Variants in RPAP2 observed in about 807,000 individuals in gnomAD.
The protein encoded by RPAP2 is putative RNA polymerase II subunit B1 CTD phosphatase RPAP2.
RPAP2 carries 52 observed loss-of-function variants against 73.1 expected under a neutral mutation model. The ratio of observed to expected loss-of-function variants is 0.71; its 90% confidence interval spans 0.57 to 0.90. The LOEUF (loss-of-function observed/expected upper bound fraction) is 0.90. Among genes scored for constraint, RPAP2 ranks in the 40% least tolerant of loss-of-function variants. RPAP2 has a pLI of 0.00. For synonymous variants in RPAP2, 225 were observed against 242.1 expected, an observed-to-expected ratio of 0.93 and a Z score of 0.65; for missense variants, 598 against 701.8, an observed-to-expected ratio of 0.85 and a Z score of 1.67.
chr1:92,299,093 C>T lies in RPAP2; in HGVS notation c.20C>T (p.Pro7Leu), dbSNP rs371177251. The T allele has an allele frequency of 1.2e-4, 175 of 1,518,560 alleles. No homozygotes were observed. The highest frequency in any genetic ancestry group is 1.0e-3 in the South Asian group (84 of 80,086). The allele number at this position is 1,518,560 out of a possible 1,614,324, so 94.1% of individuals were successfully genotyped here. A position where few individuals can be genotyped will look rare whatever the true frequency, so the allele number is the denominator to read the frequency against. Reference sequence around the variant, plus strand: ...TCCCCCATGGCGGACTTCGCTGGGCCGTCTTCTGCCGGCCGCAAGGCCGGG... The same window carrying T: ...TCCCCCATGGCGGACTTCGCTGGGCTGTCTTCTGCCGGCCGCAAGGCCGGG... MADFAG[P>L]SSAGRKAGAP... is the part of the protein sequence containing the mutation. Residue 7 changes from proline to leucine, a missense_variant, in exon 1 of 13, where the codon CCG (proline) becomes CTG (leucine). By Grantham distance (98) the Pro-to-Leu change is moderately conservative. Transcript: ENST00000610020.
At position 92,398,075 on chromosome 1, in the gene RPAP2, A is replaced by C. The variant is rs935824945; in HGVS notation, c.*11064A>C. ...AGGAGGGTGAAGATCACCTGAGACCAGGCGGTCAAGGCTTCAGTGAGCCAT... is the reference window on the plus strand; with the variant it reads ...AGGAGGGTGAAGATCACCTGAGACCCGGCGGTCAAGGCTTCAGTGAGCCAT... On this transcript the variant is annotated 3_prime_UTR_variant, in exon 13 of 13. Coordinates refer to ENST00000610020, the MANE Select transcript of RPAP2 (RefSeq NM_024813.3). 2.6e-5 allele frequency: 4 copies of C among 152,210 alleles called. No homozygotes were observed. Among genetic ancestry groups the C allele is most frequent in the Non-Finnish European group, 5.9e-5 (4 of 68,062 alleles). 9.4% of individuals were successfully genotyped at this position (152,210 alleles called of 1,614,324 possible). A position where few individuals can be genotyped will look rare whatever the true frequency, so the allele number is the denominator to read the frequency against.
At chr1:92,306,041 T>G (rs1187713004) in intron 5 of RPAP2, among the ~76,000 whole-genome samples, 1 of 152,138 alleles carries the variant, frequency 6.6e-6, no homozygotes, top group Non-Finnish European at 1.5e-5. Flanking sequence ...AATATTAGCC[T>G]TTAAAAAAAG....
At chr1:92,363,748 G>T in intron 11 of RPAP2, 1 of 360,792 alleles carries the variant, frequency 2.8e-6, no homozygotes, top group South Asian at 2.3e-5. Context: ...CCTTTATGAT[G>T]ATCTACTTCC....
chr1:92,359,591 A>ATT (rs1167257681), intron 11 of RPAP2, among the ~76,000 whole-genome samples: 1 of 152,218 alleles, frequency 6.6e-6, no homozygotes, highest in Non-Finnish European at 1.5e-5. Context: ...AAGTGCTGGG[A>ATT]TTATAGGCAT....
intron 10 of RPAP2, among the ~76,000 whole-genome samples, chr1:92,337,829 T>C (rs1261355498): frequency 6.6e-6 from 1 of 152,142 alleles, no homozygotes; most frequent in African/African-American, 2.4e-5. Context: ...TAAATACAGG[T>C]CTTCAAGGTT....
Position 92,323,450 on chromosome 1 carries a change from A to G in RPAP2, c.530A>G (p.His177Arg). The G allele has an allele frequency of 1.3e-6, 2 of 1,578,354 alleles. No homozygotes were observed. The highest frequency in any genetic ancestry group is 1.2e-5 in the South Asian group (1 of 85,792). The change falls in exon 8 of 13, where the codon CAT (histidine) becomes CGT (arginine). Residue 177 changes from histidine to arginine, a missense_variant. Physicochemically the swap from His to Arg is conservative, Grantham distance 29. This residue lies in a region of RPAP2 where 506 missense variants were observed against 612.8 expected (regional missense o/e 0.83). Coordinates refer to ENST00000610020, the MANE Select transcript of RPAP2 (RefSeq NM_024813.3). The part of the protein sequence containing the change: ...FQLLKEEQSG[H>R]SGEEVQLCSK... The stretch of plus-strand genomic sequence containing the variant: ...ATTTCTCTTTCATTCTACAGTGGCC[A>G]TTCTGGAGAAGAAGTACAGTTATGC...
chr1:92,316,663 A>T (rs527452648), intron 6 of RPAP2, among the ~76,000 whole-genome samples: 1 of 152,226 alleles, frequency 6.6e-6, no homozygotes, highest in East Asian at 1.9e-4. Flanking sequence ...AGCTTTCACA[A>T]CTATCTTCAG....
At chr1:92,360,345 G>A (rs531387946) in intron 11 of RPAP2, among the ~76,000 whole-genome samples, 17 of 152,330 alleles carry the variant, frequency 1.1e-4, no homozygotes, top group African/African-American at 3.6e-4. Context: ...TAGGAGTGGA[G>A]ACCAGATTGC....
chr1:92,343,325 T>C (rs1177271102), intron 10 of RPAP2, among the ~76,000 whole-genome samples: 1 of 152,224 alleles, frequency 6.6e-6, no homozygotes, highest in East Asian at 1.9e-4. Flanking sequence ...ACAAGAACCC[T>C]GTGAGGTGGG....
intron 8 of RPAP2, among the ~76,000 whole-genome samples, chr1:92,330,804 A>G (rs920844080): frequency 6.6e-6 from 1 of 152,174 alleles, no homozygotes; most frequent in Non-Finnish European, 1.5e-5. Context: ...TCAGAAACAC[A>G]CAAAGATAGA....
In RPAP2 at chr1:92,370,095, G is replaced by C. The variant is rs138992125; in HGVS notation, c.1689-10629G>C. Among the ~76,000 whole-genome samples the C allele has an allele frequency of 3.4e-3, 515 of 152,236 alleles. 2 individuals are homozygous for C. The highest frequency in any genetic ancestry group is 0.012 in the African/African-American group (487 of 41,524). ...AGATGGGGTTTCACCATGTTGGCCA[G>C]GCTTGTCTTGAACTCCTGGCCAAAA... On this transcript the variant is annotated intron_variant, in intron 11 of 12. Coordinates refer to ENST00000610020, the MANE Select transcript of RPAP2 (RefSeq NM_024813.3).
rs549284563 is a variant in RPAP2, at chr1:92,324,385, A to G, written c.1455+10A>G. The G allele has an allele frequency of 2.5e-6, 4 of 1,585,714 alleles. No homozygotes were observed. In the African/African-American group the frequency reaches 5.4e-5, roughly 21 times the overall value. On this transcript the variant is annotated intron_variant, in intron 8 of 12. Coordinates refer to ENST00000610020, the MANE Select transcript of RPAP2 (RefSeq NM_024813.3). The stretch of plus-strand genomic sequence containing the variant: ...ACAAGACTCAGAAGAGGTATGTCTT[A>G]CAGACATTGAGTTTTTCCAGATCGT...
At chr1:92,380,669 T>C in intron 11 of RPAP2, 55 bp from the exon 12 acceptor site, 1 of 1,252,910 alleles carries the variant, frequency 8.0e-7, no homozygotes. Flanking sequence ...AAGATAGGAG[T>C]CCCTTTGCCC....
intron 6 of RPAP2, among the ~76,000 whole-genome samples, chr1:92,319,363 C>G (rs1652114465): frequency 6.6e-6 from 1 of 152,226 alleles, no homozygotes; most frequent in Non-Finnish European, 1.5e-5. Flanking sequence ...CTTATTCTCT[C>G]TGTACTCAGT....
intron 11 of RPAP2, among the ~76,000 whole-genome samples, chr1:92,376,748 A>G (rs533308225): frequency 1.3e-5 from 2 of 152,362 alleles, no homozygotes; most frequent in East Asian, 1.9e-4. Flanking sequence ...GAGTCAGGCA[A>G]GTAACAATTA....
intron 6 of RPAP2, among the ~76,000 whole-genome samples, chr1:92,318,613 C>T (rs1324260324): frequency 6.6e-6 from 1 of 152,184 alleles, no homozygotes. Flanking sequence ...GCAGAAACTC[C>T]TTCAACATTA....
intron 11 of RPAP2, among the ~76,000 whole-genome samples, chr1:92,364,535 A>T (rs2101397444): frequency 6.6e-6 from 1 of 152,144 alleles, no homozygotes; most frequent in Non-Finnish European, 1.5e-5. Context: ...TCATTTGGAT[A>T]TCTCCCAAGC....
rs971429309 is a variant in RPAP2 at position 92,335,524 on chromosome 1, T to C, written c.1539-823T>C. Among the ~76,000 whole-genome samples, 5 of 152,300 alleles carry C rather than the reference T, an allele frequency of 3.3e-5. No homozygotes were observed. In the South Asian group the frequency reaches 1.0e-3, roughly 32 times the overall value. On this transcript the variant is annotated intron_variant, in intron 9 of 12. Coordinates refer to ENST00000610020, the MANE Select transcript of RPAP2 (RefSeq NM_024813.3). ...AATATTTTGATGTATATCCCTGACA[T>C]ATATATGGCATATGTATATTCATTC...
At chr1:92,357,495 C>CT (rs1407103941) in intron 11 of RPAP2, among the ~76,000 whole-genome samples, 2 of 152,112 alleles carry the variant, frequency 1.3e-5, no homozygotes, top group Admixed American at 1.3e-4. Context: ...CAAGATAAGG[C>CT]TGATAACTAG....
Sources: gnomAD v4.1 joint callset for allele counts (sites outside exome capture counted in the v4.1 genomes callset) on GRCh38, gnomAD v4.1.1 for gene constraint, gnomAD v4.1.1 regional missense constraint, MANE v1.5 for transcripts, NCBI Gene and HGNC (gene_info 2026-07-23, HGNC 2026-07-21) for gene names.